KCNT2: variants seen among roughly 807,000 people sequenced by gnomAD.
KCNT2 encodes the protein potassium sodium-activated channel subfamily T member 2.
KCNT2 carries 67 observed loss-of-function variants against 153.8 expected under a neutral mutation model. That is an observed-to-expected ratio of 0.44 (90% CI 0.36 to 0.53). The LOEUF (loss-of-function observed/expected upper bound fraction) is 0.53, where lower values mean the gene tolerates loss of function less well. Among genes scored for constraint, KCNT2 ranks in the 20% least tolerant of loss-of-function variants. KCNT2 has a pLI of 0.00. For synonymous variants in KCNT2, 500 were observed against 458.8 expected, an observed-to-expected ratio of 1.09 and a Z score of -1.15; for missense variants, 975 against 1,354.8, an observed-to-expected ratio of 0.72 and a Z score of 4.40.
At chr1:196,490,484 TATA>T (rs1679778073) in intron 2 of KCNT2, among the ~76,000 whole-genome samples, 1 of 147,950 alleles carries the variant, frequency 6.8e-6, no homozygotes, top group African/African-American at 2.4e-5. Context: ...TTATTCATTA[TATA>T]ATAATATATA....
At chr1:196,509,366 T>C (rs972818617) in intron 1 of KCNT2, among the ~76,000 whole-genome samples, 18 of 151,630 alleles carry the variant, frequency 1.2e-4, no homozygotes, top group Admixed American at 9.2e-4. Flanking sequence ...GGATAACTTG[T>C]GGCATATTAA....
chr1:196,475,656 C>A (rs1384913610), intron 5 of KCNT2, among the ~76,000 whole-genome samples: 1 of 151,940 alleles, frequency 6.6e-6, no homozygotes, highest in Non-Finnish European at 1.5e-5. Flanking sequence ...TTAAATTCTG[C>A]TACCAAACAT....
intron 8 of KCNT2, among the ~76,000 whole-genome samples, chr1:196,439,164 GT>G (rs1486234301): frequency 6.6e-6 from 1 of 151,836 alleles, no homozygotes; most frequent in Non-Finnish European, 1.5e-5. Flanking sequence ...CCGTGATTTA[GT>G]TTTATATGAA....
At chr1:196,567,798 A>C (rs1465568207) in intron 1 of KCNT2, among the ~76,000 whole-genome samples, 1 of 152,246 alleles carries the variant, frequency 6.6e-6, no homozygotes, top group Non-Finnish European at 1.5e-5. Flanking sequence ...GGAAAACAGC[A>C]GCAGAATTGC....
At chr1:196,585,025 G>A (rs1481109561) in intron 1 of KCNT2, among the ~76,000 whole-genome samples, 1 of 152,070 alleles carries the variant, frequency 6.6e-6, no homozygotes, top group Admixed American at 6.6e-5. Flanking sequence ...TTCACAGGCA[G>A]AAGAGGCTTA....
intron 1 of KCNT2, among the ~76,000 whole-genome samples, chr1:196,499,950 C>A (rs1456146417): frequency 6.6e-6 from 1 of 151,904 alleles, no homozygotes; most frequent in Non-Finnish European, 1.5e-5. Context: ...TCTAGACCAG[C>A]CTGGCTAAAA....
intron 1 of KCNT2, among the ~76,000 whole-genome samples, chr1:196,505,008 T>C (rs1681014770): frequency 1.3e-5 from 2 of 152,284 alleles, no homozygotes; most frequent in South Asian, 2.1e-4. Context: ...AAGTAGGTTG[T>C]GAAAATTTTC....
At chr1:196,431,966 C>T (rs1186491576) in intron 8 of KCNT2, among the ~76,000 whole-genome samples, 1 of 152,024 alleles carries the variant, frequency 6.6e-6, no homozygotes, top group East Asian at 1.9e-4. Flanking sequence ...GGAGCTCTTC[C>T]AGACTGTCAC....
chr1:196,251,643 G>C (rs938803947), intron 26 of KCNT2, among the ~76,000 whole-genome samples: 1 of 151,658 alleles, frequency 6.6e-6, no homozygotes, highest in Non-Finnish European at 1.5e-5. Context: ...ATAGTTATTG[G>C]GTACAAAAAT....
chr1:196,321,999 G>A (rs1349537182), intron 19 of KCNT2, among the ~76,000 whole-genome samples: 1 of 151,662 alleles, frequency 6.6e-6, no homozygotes, highest in Admixed American at 6.6e-5. Context: ...CTTTACATTG[G>A]GAAGCATTAT....
At chr1:196,299,556 C>T (rs766858034) in intron 22 of KCNT2, among the ~76,000 whole-genome samples, 1 of 152,042 alleles carries the variant, frequency 6.6e-6, no homozygotes, top group African/African-American at 2.4e-5. Flanking sequence ...CATCTCACCC[C>T]AGTTAGAATG....
chr1:196,540,556 AAAC>A (rs927216278), intron 1 of KCNT2, among the ~76,000 whole-genome samples: 10 of 152,196 alleles, frequency 6.6e-5, no homozygotes, highest in African/African-American at 2.2e-4. Context: ...ACCAACCAAG[AAAC>A]AACAACAAAA....
At chr1:196,542,586 A>G (rs1263757086) in intron 1 of KCNT2, among the ~76,000 whole-genome samples, 3 of 152,118 alleles carry the variant, frequency 2.0e-5, no homozygotes, top group Non-Finnish European at 4.4e-5. Context: ...TCCTCAAAGA[A>G]CTAGGCATTA....
At chr1:196,418,115 C>T (rs1010012505) in intron 12 of KCNT2, among the ~76,000 whole-genome samples, 1 of 151,972 alleles carries the variant, frequency 6.6e-6, no homozygotes, top group Non-Finnish European at 1.5e-5. Context: ...TCTCTTTTGA[C>T]ATTTGTTAGT....
intron 8 of KCNT2, among the ~76,000 whole-genome samples, chr1:196,438,621 G>A (rs1674941013): frequency 6.6e-6 from 1 of 151,884 alleles, no homozygotes; most frequent in African/African-American, 2.4e-5. Context: ...CGAATTCTTG[G>A]AAAAGCAGTC....
intron 1 of KCNT2, among the ~76,000 whole-genome samples, chr1:196,588,731 A>G (rs1662985214): frequency 6.6e-6 from 1 of 151,966 alleles, no homozygotes; most frequent in Admixed American, 6.6e-5. Context: ...TAGAAGTTGT[A>G]TAGTTATGGG....
chr1:196,296,315 CA>C (rs1341059310), intron 22 of KCNT2, among the ~76,000 whole-genome samples: 1 of 151,778 alleles, frequency 6.6e-6, no homozygotes, highest in East Asian at 1.9e-4. Context: ...AGCCAAAGAA[CA>C]TACTTTTTTC....
At chr1:196,321,273 TAGG>T (rs1461823068) in intron 19 of KCNT2, among the ~76,000 whole-genome samples, 1 of 151,750 alleles carries the variant, frequency 6.6e-6, no homozygotes, top group Non-Finnish European at 1.5e-5. Context: ...GAGAAGCACA[TAGG>T]AGGATGCAGG....
chr1:196,435,139 G>GTA (rs1166021273), intron 8 of KCNT2, among the ~76,000 whole-genome samples: 5,038 of 44,954 alleles, frequency 0.11, 261 homozygotes, highest in African/African-American at 0.15. Flanking sequence ...GTGTGTGTAT[G>GTA]TATATATATA....
Sources: allele counts gnomAD v4.1 joint callset (sites outside exome capture counted in the v4.1 genomes callset), GRCh38; gene constraint gnomAD v4.1.1; transcripts MANE v1.5; gene names NCBI Gene and HGNC (gene_info 2026-07-23, HGNC 2026-07-21).